Variants in CSMD2 observed in about 807,000 individuals in gnomAD.
The protein encoded by CSMD2 is CUB and sushi domain-containing protein 2.
A neutral mutation model predicts 398.5 loss-of-function variants in CSMD2; 130 were observed. The ratio of observed to expected loss-of-function variants is 0.33; its 90% CI spans 0.28 to 0.38. CSMD2 has a LOEUF of 0.38. Among genes scored for constraint, CSMD2 ranks in the 10% least tolerant of loss-of-function variants. CSMD2 has a pLI of 1.00. For missense variants in CSMD2, 3,829 were observed against 4,764.9 expected, an observed-to-expected ratio of 0.80 and a Z score of 5.78; for synonymous variants, 1,828 against 1,908.5, an observed-to-expected ratio of 0.96 and a Z score of 1.10.
intron 55 of CSMD2, among the ~76,000 whole-genome samples, chr1:33,552,190 T>A (rs1302215452): frequency 6.6e-6 from 1 of 152,266 alleles, no homozygotes; most frequent in Non-Finnish European, 1.5e-5. Flanking sequence ...AATGCAAATG[T>A]AAACTACAAT....
chr1:33,545,216 T>C (rs1008855799), intron 57 of CSMD2, among the ~76,000 whole-genome samples: 1 of 152,166 alleles, frequency 6.6e-6, no homozygotes, highest in Admixed American at 6.5e-5. Flanking sequence ...GCAAGCTGTA[T>C]TTTAGAAAGA....
intron 3 of CSMD2, among the ~76,000 whole-genome samples, chr1:33,950,719 C>G (rs1026899797): frequency 6.6e-6 from 1 of 152,176 alleles, no homozygotes; most frequent in African/African-American, 2.4e-5. Context: ...CCCTAAATCT[C>G]CCCAGGTGAA....
chr1:33,588,212 C>T (rs1231595761), intron 44 of CSMD2, among the ~76,000 whole-genome samples: 2 of 152,074 alleles, frequency 1.3e-5, no homozygotes, highest in Non-Finnish European at 2.9e-5. Flanking sequence ...AAGAATTTCC[C>T]ATATAATTAC....
intron 62 of CSMD2, among the ~76,000 whole-genome samples, chr1:33,535,780 T>C (rs187925639): frequency 2.0e-5 from 3 of 152,344 alleles, no homozygotes; most frequent in Admixed American, 2.0e-4. Context: ...AGCACTCCTT[T>C]GCACCAGCCC....
At chr1:33,654,782 G>A (rs1643898950) in intron 27 of CSMD2, among the ~76,000 whole-genome samples, 1 of 152,242 alleles carries the variant, frequency 6.6e-6, no homozygotes, top group South Asian at 2.1e-4. Flanking sequence ...GGCACAACGA[G>A]GCCTCCATTC....
At chr1:34,143,045 T>C (rs75939563) in intron 1 of CSMD2, among the ~76,000 whole-genome samples, 81 of 152,288 alleles carry the variant, frequency 5.3e-4, no homozygotes, top group African/African-American at 1.9e-3. Flanking sequence ...TTACCTGCTG[T>C]GTGATCTTTG....
intron 6 of CSMD2, among the ~76,000 whole-genome samples, chr1:33,834,979 G>A (rs1321131022): frequency 4.1e-5 from 2 of 48,364 alleles, no homozygotes; most frequent in Non-Finnish European, 6.2e-5. Context: ...TTAGAATGGC[G>A]ATCATTAAAA....
chr1:33,623,782 C>T (rs1641923979), intron 35 of CSMD2, among the ~76,000 whole-genome samples: 1 of 152,212 alleles, frequency 6.6e-6, no homozygotes, highest in Non-Finnish European at 1.5e-5. Flanking sequence ...CTGGAATGTT[C>T]CTTGGGTTTC....
intron 10 of CSMD2, among the ~76,000 whole-genome samples, chr1:33,798,587 G>C (rs1177186719): frequency 2.6e-5 from 4 of 152,218 alleles, no homozygotes; most frequent in African/African-American, 9.7e-5. Flanking sequence ...AGAAGAGCCT[G>C]GCTGAGTCTG....
chr1:33,587,324 C>T (rs1639155618), intron 44 of CSMD2, among the ~76,000 whole-genome samples, 156 bp from the exon 45 acceptor site: 1 of 152,140 alleles, frequency 6.6e-6, no homozygotes, highest in Non-Finnish European at 1.5e-5. Context: ...TAGCCAAGTC[C>T]TTTTTGCTTA....
chr1:33,581,040 C>T, intron 47 of CSMD2, 141 bp from the exon 48 acceptor site: 2 of 761,894 alleles, frequency 2.6e-6, no homozygotes. Context: ...TCTCTGCATC[C>T]ACAGGCATTG....
In CSMD2 at chr1:33,704,353, C is replaced by T. The variant is rs532525557; in HGVS notation, c.3577-3680G>A. Among the ~76,000 whole-genome samples the T allele has an allele frequency of 3.0e-4, 45 of 152,152 alleles. No individual in the cohort carries two copies. The South Asian group carries it at 6.2e-3, about 21-fold the overall frequency. Reference sequence around the variant, plus strand: ...AATGGTTTGTCTCTTCAGTACAATGCTGCGTTCTATTGGTGATAGTAGAAC... The same window carrying T: ...AATGGTTTGTCTCTTCAGTACAATGTTGCGTTCTATTGGTGATAGTAGAAC... On this transcript the variant is annotated intron_variant, in intron 22 of 70. Transcript: ENST00000373381.
intron 1 of CSMD2, among the ~76,000 whole-genome samples, chr1:34,097,957 T>C (rs1353175559): frequency 3.0e-5 from 4 of 134,780 alleles, no homozygotes; most frequent in Non-Finnish European, 4.6e-5. Context: ...TAAAGACGCA[T>C]GCACACGTAT....
At chr1:33,785,770 G>C (rs1345696716) in intron 12 of CSMD2, among the ~76,000 whole-genome samples, 1 of 152,182 alleles carries the variant, frequency 6.6e-6, no homozygotes, top group African/African-American at 2.4e-5. Context: ...TGAACATAAA[G>C]CTATGGCACA....
intron 3 of CSMD2, among the ~76,000 whole-genome samples, chr1:33,966,883 C>T (rs12128266): frequency 0.052 from 7,982 of 152,218 alleles, 309 homozygotes; most frequent in East Asian, 0.18. Flanking sequence ...GGAAATGCGC[C>T]TAGACAACAG....
chr1:33,964,544 C>T (rs558712687), intron 3 of CSMD2, among the ~76,000 whole-genome samples: 4 of 152,330 alleles, frequency 2.6e-5, no homozygotes, highest in Admixed American at 2.6e-4. Flanking sequence ...TTCCAGGTTT[C>T]TGACTTGTTT....
rs2641959 is a variant in CSMD2 at position 33,519,753 on chromosome 1, C to A, written c.10736+59G>T. On this transcript the variant is annotated intron_variant, in intron 69 of 70. Coordinates refer to ENST00000373381, the MANE Select transcript of CSMD2 (RefSeq NM_001281956.2). This position sits in a 1 kb window ranked among gnomAD's most constrained non-coding sequence, Gnocchi z 5.6. ...GGCTTAGGGGTCTGGTGCGGGGGGC[C>A]CTGGAGGGAGAGAGGGAGGCCTGCC... The A allele has an allele frequency of 1.2e-6, 2 of 1,612,124 alleles. No homozygotes were observed. The highest frequency in any genetic ancestry group is 1.1e-5 in the South Asian group (1 of 90,976).
At chr1:33,579,088 G>A (rs907291452) in intron 48 of CSMD2, among the ~76,000 whole-genome samples, 7 of 152,094 alleles carry the variant, frequency 4.6e-5, no homozygotes, top group South Asian at 2.1e-4. Flanking sequence ...CACTTTCTAC[G>A]TGGCATATGT....
intron 22 of CSMD2, among the ~76,000 whole-genome samples, chr1:33,708,570 C>T (rs1273957954): frequency 2.3e-5 from 3 of 129,110 alleles, no homozygotes; most frequent in African/African-American, 9.0e-5. Context: ...AAAACTGGAT[C>T]CATTGGCTGC....
Sources: allele counts gnomAD v4.1 joint callset (sites outside exome capture counted in the v4.1 genomes callset), GRCh38; gene constraint gnomAD v4.1.1; non-coding constraint Gnocchi (gnomAD v3.1); transcripts MANE v1.5; gene names NCBI Gene and HGNC (gene_info 2026-07-23, HGNC 2026-07-21).